ZBTB20: variants seen among roughly 807,000 people sequenced by gnomAD.
ZBTB20 encodes zinc finger and BTB domain containing 20.
In ZBTB20, 9 loss-of-function variants were observed where a neutral mutation model predicts 56.9. The ratio of observed to expected loss-of-function variants is 0.16; its 90% CI spans 0.10 to 0.28. The LOEUF (loss-of-function observed/expected upper bound fraction) is 0.28, where lower values mean the gene tolerates loss of function less well. ZBTB20 is among the 10% of genes least tolerant of loss of function. The pLI, the probability that ZBTB20 is intolerant of heterozygous loss-of-function variation, is 1.00. For missense variants in ZBTB20, 655 were observed against 1,003.0 expected (o/e 0.65, Z 4.69); for synonymous variants, 417 against 420.7 (o/e 0.99, Z 0.11).
chr3:114,665,979 CCAATCTGG>C (rs2061030809), intron 6 of ZBTB20, among the ~76,000 whole-genome samples: 2 of 152,014 alleles, frequency 1.3e-5, no homozygotes, highest in Non-Finnish European at 2.9e-5. Context: ...TCCAGCTGTG[CCAATCTGG>C]TAAGATCAAA....
intron 1 of ZBTB20, among the ~76,000 whole-genome samples, chr3:115,086,181 CCTAAA>C (rs1336453228): frequency 6.6e-6 from 1 of 151,744 alleles, no homozygotes; most frequent in Non-Finnish European, 1.5e-5. Flanking sequence ...CCCGGGATTA[CCTAAA>C]CTAACTACAA....
At chr3:114,706,337 T>C (rs909893896) in intron 5 of ZBTB20, among the ~76,000 whole-genome samples, 3 of 152,254 alleles carry the variant, frequency 2.0e-5, no homozygotes, top group Admixed American at 1.3e-4. Context: ...TGTGTGTGAC[T>C]TTCTCTTGTA....
At chr3:114,800,954 T>G (rs527674329) in intron 5 of ZBTB20, 147 bp downstream of exon 5, 3 of 152,054 alleles carry the variant, frequency 2.0e-5, no homozygotes, top group Non-Finnish European at 4.4e-5. Context: ...CAACTTTTTT[T>G]TTTTAAGAAG....
intron 3 of ZBTB20, among the ~76,000 whole-genome samples, chr3:114,911,098 G>A (rs2075518382): frequency 7.2e-6 from 1 of 138,418 alleles, no homozygotes; most frequent in Non-Finnish European, 1.6e-5. Flanking sequence ...TACCCCCACA[G>A]CAATAAAAAT....
At chr3:114,669,562 G>C (rs1484492742) in intron 6 of ZBTB20, among the ~76,000 whole-genome samples, 1 of 151,072 alleles carries the variant, frequency 6.6e-6, no homozygotes, top group Admixed American at 6.6e-5. Flanking sequence ...TGAAGTCATC[G>C]ACTATGCAAC....
At chr3:114,988,858 T>C (rs930940989) in intron 2 of ZBTB20, among the ~76,000 whole-genome samples, 9 of 152,248 alleles carry the variant, frequency 5.9e-5, no homozygotes, top group Non-Finnish European at 2.9e-5. Context: ...CCAGTGATGA[T>C]GAGCATTTTT....
chr3:114,529,736 T>C (rs893953683), intron 6 of ZBTB20, among the ~76,000 whole-genome samples: 11 of 152,360 alleles, frequency 7.2e-5, no homozygotes, highest in Middle Eastern at 3.4e-3. Context: ...TGGGGTTTTG[T>C]TGGTGTGGAA....
chr3:114,636,957 G>C (rs949721100), intron 6 of ZBTB20, among the ~76,000 whole-genome samples: 10 of 151,968 alleles, frequency 6.6e-5, no homozygotes, highest in Non-Finnish European at 1.5e-4. Context: ...TTTAGCTTTA[G>C]GGACAAACAT....
chr3:114,564,957 T>A (rs552816268), intron 6 of ZBTB20, among the ~76,000 whole-genome samples: 1 of 152,276 alleles, frequency 6.6e-6, no homozygotes, highest in South Asian at 2.1e-4. Context: ...TTACCTAAAA[T>A]ATCTGCTTGC....
intron 1 of ZBTB20, among the ~76,000 whole-genome samples, chr3:115,135,690 C>T (rs2084634175): frequency 6.6e-6 from 1 of 152,108 alleles, no homozygotes; most frequent in Non-Finnish European, 1.5e-5. Flanking sequence ...ATAGGAATTA[C>T]ATGTGTCCCA....
intron 6 of ZBTB20, among the ~76,000 whole-genome samples, chr3:114,567,483 TGA>T (rs1214895554): frequency 6.6e-6 from 1 of 152,174 alleles, no homozygotes; most frequent in Non-Finnish European, 1.5e-5. Flanking sequence ...TGGGGGAAGT[TGA>T]GATTACTGCT....
intron 6 of ZBTB20, among the ~76,000 whole-genome samples, chr3:114,539,981 T>C (rs2048929272): frequency 6.6e-6 from 1 of 151,582 alleles, no homozygotes; most frequent in African/African-American, 2.4e-5. Flanking sequence ...ACTTGTGTCA[T>C]GGGGGTTGTA....
chr3:115,029,101 T>C (rs1465822993), intron 2 of ZBTB20, among the ~76,000 whole-genome samples: 3 of 149,538 alleles, frequency 2.0e-5, no homozygotes, highest in Admixed American at 6.7e-5. Flanking sequence ...AAAACAGCCA[T>C]TTAAAAATGC....
chr3:114,924,102 G>C (rs556015037), intron 3 of ZBTB20, among the ~76,000 whole-genome samples: 3 of 152,274 alleles, frequency 2.0e-5, no homozygotes, highest in South Asian at 4.1e-4. Flanking sequence ...TCCACTGTAG[G>C]TGGGAATGTA....
intron 5 of ZBTB20, among the ~76,000 whole-genome samples, chr3:114,788,295 C>A (rs1367529846): frequency 1.3e-5 from 2 of 152,056 alleles, no homozygotes; most frequent in African/African-American, 4.8e-5. Flanking sequence ...TCAAAACCAC[C>A]TCCATCTCTA....
At chr3:114,753,257 GTATATATGTATACCTGTA>G (rs2067704450) in intron 5 of ZBTB20, among the ~76,000 whole-genome samples, 1 of 121,546 alleles carries the variant, frequency 8.2e-6, no homozygotes, top group African/African-American at 3.2e-5. Context: ...TGTATATAAT[GTATATATGTATACCTGTA>G]TATATAATGT....
At chr3:114,482,276 A>T (rs2041643167) in intron 7 of ZBTB20, among the ~76,000 whole-genome samples, 1 of 152,154 alleles carries the variant, frequency 6.6e-6, no homozygotes, top group South Asian at 2.1e-4. Context: ...GCTCTCAGAC[A>T]TCTCAGGGAA....
intron 4 of ZBTB20, among the ~76,000 whole-genome samples, chr3:114,884,225 G>A (rs1246228830): frequency 1.3e-5 from 2 of 151,926 alleles, no homozygotes; most frequent in Non-Finnish European, 2.9e-5. Flanking sequence ...GCGCCCGGCC[G>A]GTGTGTTCTT....
At chr3:115,116,580 ATTT>A (rs1484366840) in intron 1 of ZBTB20, among the ~76,000 whole-genome samples, 4 of 152,074 alleles carry the variant, frequency 2.6e-5, no homozygotes, top group African/African-American at 4.8e-5. Flanking sequence ...AAGAGATAAC[ATTT>A]TTGTGAACAT....
Sources: allele counts gnomAD v4.1 joint callset (sites outside exome capture counted in the v4.1 genomes callset), GRCh38; gene constraint gnomAD v4.1.1; transcripts MANE v1.5; gene names NCBI Gene and HGNC (gene_info 2026-07-23, HGNC 2026-07-21).